The following ADK variants were observed in gnomAD, a reference collection of about 807,000 sequenced individuals.
The protein encoded by ADK is N6,N6-dimethyladenosine kinase.
Under a neutral mutation model 44.7 loss-of-function variants are expected in ADK, and 24 were observed. That is an observed-to-expected ratio of 0.54 (90% confidence interval 0.39 to 0.76). The LOEUF (loss-of-function observed/expected upper bound fraction) is 0.76, where lower values mean the gene tolerates loss of function less well. Ranked by LOEUF, ADK falls within the 30% of genes least tolerant of loss-of-function variation. ADK has a pLI of 0.00. For synonymous variants in ADK, 128 were observed against 142.6 expected (o/e 0.90, Z 0.73); for missense variants, 321 against 425.1 (o/e 0.76, Z 2.15).
intron 4 of ADK, among the ~76,000 whole-genome samples, chr10:74,377,929 A>G (rs527632811): frequency 1.6e-4 from 24 of 152,274 alleles, no homozygotes; most frequent in African/African-American, 5.3e-4. Context: ...TCTCACAAAT[A>G]TCTAATAAAA....
At chr10:74,287,982 CAAAAAAAAAAAAAAAAAAA>C (rs1847249878) in intron 3 of ADK, among the ~76,000 whole-genome samples, 1 of 68,626 alleles carries the variant, frequency 1.5e-5, no homozygotes. Flanking sequence ...GACCCTGTCT[CAAAAAAAAAAAAAAAAAAA>C]GAGAAAAAAA....
At chr10:74,605,922 T>G (rs2133979703) in intron 9 of ADK, among the ~76,000 whole-genome samples, 1 of 152,250 alleles carries the variant, frequency 6.6e-6, no homozygotes, top group Non-Finnish European at 1.5e-5. Context: ...ATTTCAGAAC[T>G]TGTTATTGGT....
intron 7 of ADK, among the ~76,000 whole-genome samples, chr10:74,555,030 C>G (rs1269738068): frequency 6.6e-6 from 1 of 152,120 alleles, no homozygotes; most frequent in Non-Finnish European, 1.5e-5. Context: ...GGCACGGTGG[C>G]TCACGCCTGT....
chr10:74,356,011 T>TGG lies in ADK; in HGVS notation c.274-38130_274-38129insGG, dbSNP rs1564672635. Among the ~76,000 whole-genome samples the TGG allele has an allele frequency of 4.1e-4, 53 of 130,176 alleles. 7 individuals carry two copies. The South Asian group carries it at 0.01, about 26-fold the overall frequency. 85.4% of individuals were successfully genotyped at this position (130,176 alleles called of 152,430 possible). A position where few individuals can be genotyped will look rare whatever the true frequency, so the allele number is the denominator to read the frequency against. On this transcript the variant is annotated intron_variant, in intron 4 of 10. Coordinates refer to ENST00000539909, the MANE Select transcript of ADK (RefSeq NM_006721.4). Reference sequence around the variant, plus strand: ...TTTCACTAAATAATTCATTTTTTTTTTTTTTTTTTTTTTTTTTTGAGACGG... The same window carrying TGG: ...TTTCACTAAATAATTCATTTTTTTTTGGTTTTTTTTTTTTTTTTTTGAGACGG...
intron 3 of ADK, among the ~76,000 whole-genome samples, chr10:74,281,015 T>C (rs919366872): frequency 6.6e-6 from 1 of 152,218 alleles, no homozygotes; most frequent in African/African-American, 2.4e-5. Context: ...ATCCATAATT[T>C]GAAAATTTGA....
At chr10:74,567,691 T>G (rs549179207) in intron 7 of ADK, among the ~76,000 whole-genome samples, 68 of 128,830 alleles carry the variant, frequency 5.3e-4, no homozygotes, top group African/African-American at 2.3e-3. Flanking sequence ...GTTTTTTTTG[T>G]TTTTTTTGTT....
intron 9 of ADK, among the ~76,000 whole-genome samples, chr10:74,636,486 G>A (rs1589320034): frequency 6.6e-6 from 1 of 152,060 alleles, no homozygotes. Context: ...ATTTAGATAA[G>A]CACCAATAGG....
At chr10:74,459,107 C>T (rs1260791870) in intron 6 of ADK, among the ~76,000 whole-genome samples, 4 of 151,678 alleles carry the variant, frequency 2.6e-5, no homozygotes, top group East Asian at 1.9e-4. Context: ...GGCAAAACCC[C>T]GTCTCTACTA....
At chr10:74,291,889 G>A (rs935747166) in intron 3 of ADK, among the ~76,000 whole-genome samples, 2 of 152,008 alleles carry the variant, frequency 1.3e-5, no homozygotes, top group African/African-American at 4.8e-5. Context: ...GGAATGAAAG[G>A]AGGTAGCATG....
Position 74,438,545 on chromosome 10 carries a change from A to G in ADK, c.555+39966A>G, listed in dbSNP as rs530192494. 5.3e-5 allele frequency among the ~76,000 whole-genome samples: 8 copies of G among 152,098 alleles called. 2 individuals are homozygous for G. The highest frequency in any genetic ancestry group is 1.9e-4 in the African/African-American group (8 of 41,482). On this transcript the variant is annotated intron_variant, in intron 6 of 10. Coordinates refer to ENST00000539909, the MANE Select transcript of ADK (RefSeq NM_006721.4). The stretch of plus-strand genomic sequence containing the variant: ...GCCCCCGGCCTTGCCTCTCTTAATA[A>G]CCATATTACCTCTGGCAACCAGCAT...
At chr10:74,697,447 G>A (rs530815754) in intron 10 of ADK, among the ~76,000 whole-genome samples, 3 of 152,206 alleles carry the variant, frequency 2.0e-5, no homozygotes, top group South Asian at 4.1e-4. Flanking sequence ...TGAAGTGGGA[G>A]GATTGCTTGA....
intron 9 of ADK, among the ~76,000 whole-genome samples, chr10:74,649,350 GCA>G (rs1372390558): frequency 6.6e-6 from 1 of 152,238 alleles, no homozygotes; most frequent in Admixed American, 6.5e-5. Flanking sequence ...TGTCAGCCGG[GCA>G]CAGTGTCTCA....
At chr10:74,198,292 T>C (rs959889314) in intron 1 of ADK, among the ~76,000 whole-genome samples, 1 of 152,204 alleles carries the variant, frequency 6.6e-6, no homozygotes, top group Non-Finnish European at 1.5e-5. Flanking sequence ...TGATCACATA[T>C]GCAATTTAAG....
At chr10:74,185,499 A>T (rs546280306) in intron 1 of ADK, among the ~76,000 whole-genome samples, 4 of 149,662 alleles carry the variant, frequency 2.7e-5, no homozygotes, top group South Asian at 4.2e-4. Flanking sequence ...TGTTCACTTT[A>T]AAAAAAAATG....
At chr10:74,396,872 C>T (rs1843534255) in intron 5 of ADK, among the ~76,000 whole-genome samples, 1 of 151,812 alleles carries the variant, frequency 6.6e-6, no homozygotes. Context: ...AAGGAAATTG[C>T]TTGAACCCGG....
chr10:74,472,612 C>T (rs758416717), intron 6 of ADK, among the ~76,000 whole-genome samples: 2 of 152,162 alleles, frequency 1.3e-5, no homozygotes, highest in Non-Finnish European at 2.9e-5. Context: ...CCTAGAAATG[C>T]ATTGTCGTCT....
chr10:74,608,093 T>A (rs1204281657), intron 9 of ADK, among the ~76,000 whole-genome samples: 2 of 151,898 alleles, frequency 1.3e-5, no homozygotes, highest in African/African-American at 4.8e-5. Flanking sequence ...GTCATTTATG[T>A]TCTTCTCTAA....
At chr10:74,700,403 C>A (rs555211474) in intron 10 of ADK, among the ~76,000 whole-genome samples, 2 of 152,048 alleles carry the variant, frequency 1.3e-5, no homozygotes, top group African/African-American at 2.4e-5. Flanking sequence ...CCACCACACC[C>A]GGCTAATTTT....
chr10:74,381,421 TA>T (rs1324318018), intron 4 of ADK, among the ~76,000 whole-genome samples: 1 of 152,186 alleles, frequency 6.6e-6, no homozygotes, highest in African/African-American at 2.4e-5. Flanking sequence ...CTAACTCAGG[TA>T]GAGGAAAGCT....
Sources: allele counts gnomAD v4.1 joint callset (sites outside exome capture counted in the v4.1 genomes callset), GRCh38; gene constraint gnomAD v4.1.1; transcripts MANE v1.5; gene names NCBI Gene and HGNC (gene_info 2026-07-23, HGNC 2026-07-21).